LRP1: variants seen among roughly 807,000 people sequenced by gnomAD.
LRP1 encodes the protein prolow-density lipoprotein receptor-related protein 1.
LRP1 carries 51 observed loss-of-function variants against 541.5 expected under a neutral mutation model. The ratio of observed to expected loss-of-function variants is 0.09; its 90% CI spans 0.08 to 0.12. The LOEUF (loss-of-function observed/expected upper bound fraction) is 0.12, where lower values mean the gene tolerates loss of function less well. LRP1 is among the 10% of genes least tolerant of loss of function. The pLI, the probability that LRP1 is intolerant of heterozygous loss-of-function variation, is 1.00. For missense variants in LRP1, 3,878 were observed against 6,376.2 expected (o/e 0.61, Z 13.34); for synonymous variants, 2,219 against 2,470.8 (o/e 0.90, Z 3.02).
chr12:57,185,652 C>T lies in LRP1; in HGVS notation c.6585C>T (p.Arg2195=), dbSNP rs2229281. Residue 2195 remains arginine (R), a synonymous_variant, in exon 41 of 89, where the codon CGC becomes CGT. Transcript: ENST00000243077. The surrounding 1 kb of genome is among the most constrained non-coding windows in gnomAD (Gnocchi z 4.9). ...GMLAEDGASC[R]EYAGYLLYSE... ...TGGCTGAAGACGGAGCATCGTGCCG[C>T]GAGTATGCCGGCTACCTGCTCTACT... is the stretch of plus-strand genomic sequence containing the variant. 2,995 of 1,613,150 alleles carry T rather than the reference C, an allele frequency of 1.9e-3. 45 individuals carry two copies. In the African/African-American group the frequency reaches 0.034, roughly 18 times the overall value.
At chr12:57,181,851 C>T (rs1321494241) in intron 34 of LRP1, among the ~76,000 whole-genome samples, 2 of 152,168 alleles carry the variant, frequency 1.3e-5, no homozygotes, top group East Asian at 1.9e-4. Flanking sequence ...GAAATGAAAC[C>T]CAGACGCATT....
Position 57,165,848 on chromosome 12 carries a change from G to A in LRP1, c.2574G>A (p.Glu858=). The change falls in exon 16 of 89, where the codon GAG becomes GAA. Residue 858 remains glutamate, a synonymous_variant. Transcript: ENST00000243077. The surrounding 1 kb of genome is among the most constrained non-coding windows in gnomAD (Gnocchi z 4.5). ...CTCCACCCCAGTGCCAGCCAGGCGA[G>A]TTTGCCTGTGCCAACAGCCGCTGCA... is the stretch of plus-strand genomic sequence containing the variant. ...YVPPPQCQPG[E]FACANSRCIQ... The A allele has an allele frequency of 6.2e-7, 1 of 1,614,244 alleles. No homozygotes were observed. Among genetic ancestry groups the A allele is most frequent in the Non-Finnish European group, 8.5e-7 (1 of 1,180,056 alleles).
rs749170560 is a variant in LRP1, at chr12:57,184,293, G to A, written c.6060-33G>A. 6.2e-7 allele frequency: 1 copy of A among 1,614,146 alleles called. No homozygotes were observed. Among genetic ancestry groups the A allele is most frequent in the East Asian group, 2.2e-5 (1 of 44,884 alleles). On this transcript the variant is annotated intron_variant, in intron 37 of 88. Transcript: ENST00000243077. The surrounding 1 kb of genome is among the most constrained non-coding windows in gnomAD (Gnocchi z 7.8). The stretch of plus-strand genomic sequence containing the variant: ...AGGCCCTGTCTCCTCCAGGGTCTGA[G>A]GACTGACCCCCACTTCCACCCCCAC...
chr12:57,134,241 GCT>G (rs990293870), intron 1 of LRP1, among the ~76,000 whole-genome samples: 14 of 151,952 alleles, frequency 9.2e-5, no homozygotes, highest in African/African-American at 2.7e-4. Context: ...CTCCAAACTC[GCT>G]CTCTCTCCTT....
chr12:57,169,217 G>T lies in LRP1; in HGVS notation c.3073G>T (p.Gly1025Trp). ...CSSTQFKCNS[G>W]RCIPEHWTCD... is the part of the protein sequence containing the mutation. Reference sequence around the variant, plus strand: ...TAGCACCCAGTTCAAGTGCAACAGCGGGCGTTGCATCCCCGAGCACTGGAC... The same window carrying T: ...TAGCACCCAGTTCAAGTGCAACAGCTGGCGTTGCATCCCCGAGCACTGGAC... Residue 1025 changes from glycine to tryptophan, a missense_variant, in exon 20 of 89, where the codon GGG becomes TGG. Gly to Trp is a radical substitution (Grantham distance 184, BLOSUM62 -2). This residue lies in a region of LRP1 where 320 missense variants were observed against 547.9 expected (regional missense o/e 0.58). Transcript: ENST00000243077. 1 of 1,613,800 alleles carries T rather than the reference G, an allele frequency of 6.2e-7. No individual in the cohort carries two copies. The highest frequency in any genetic ancestry group is 1.1e-5 in the South Asian group (1 of 91,072).
At chr12:57,193,051 G>C in intron 45 of LRP1, 81 bp downstream of exon 45, 1 of 1,587,170 alleles carries the variant, frequency 6.3e-7, no homozygotes, top group Non-Finnish European at 8.6e-7. Context: ...ACATGCTCCA[G>C]CCCAGCCCCC....
At chr12:57,170,280 T>G (rs1301291744) in intron 20 of LRP1, among the ~76,000 whole-genome samples, 2 of 152,224 alleles carry the variant, frequency 1.3e-5, no homozygotes, top group African/African-American at 2.4e-5. Flanking sequence ...AGACACTATT[T>G]CCAAATAAAG....
chr12:57,152,695 A>T (rs975097266), intron 6 of LRP1, among the ~76,000 whole-genome samples: 1 of 151,558 alleles, frequency 6.6e-6, no homozygotes, highest in African/African-American at 2.4e-5. Context: ...GGGCTTGGGG[A>T]TGCATGAATA....
chr12:57,194,308 T>C, intron 48 of LRP1, 46 bp from the exon 49 acceptor site: 1 of 1,502,298 alleles, frequency 6.7e-7, no homozygotes, highest in African/African-American at 1.4e-5. Flanking sequence ...CAGTCGGGGG[T>C]GATCCAGGGG....
At chr12:57,208,267 C>T (rs771727932) in intron 77 of LRP1, 51 bp downstream of exon 77, 48 of 1,571,048 alleles carry the variant, frequency 3.1e-5, no homozygotes, top group Admixed American at 3.0e-4. Flanking sequence ...AGGAAGCCCC[C>T]GGGACAGGGT....
Position 57,179,225 on chromosome 12 carries a change from C to T in LRP1, c.4739-104C>T. The T allele has an allele frequency of 8.5e-7, 1 of 1,180,032 alleles. No homozygotes were observed. The highest frequency in any genetic ancestry group is 1.2e-6 in the Non-Finnish European group (1 of 821,636). The allele number at this position is 1,180,032 out of a possible 1,614,324, so 73.1% of individuals were successfully genotyped here. A position where few individuals can be genotyped will look rare whatever the true frequency, so the allele number is the denominator to read the frequency against. ...CGGGGTATGTCCACGGAGCCAAGGG[C>T]CAGTAGCAAACAGACGGATCCAGAA... is the stretch of plus-strand genomic sequence containing the variant. On this transcript the variant is annotated intron_variant, in intron 28 of 88. Transcript: ENST00000243077. The surrounding 1 kb of genome is among the most constrained non-coding windows in gnomAD (Gnocchi z 6.8).
intron 78 of LRP1, 123 bp from the exon 79 acceptor site, chr12:57,208,960 G>T (rs371200314): frequency 3.8e-6 from 4 of 1,060,238 alleles, no homozygotes; most frequent in Non-Finnish European, 5.7e-6. Flanking sequence ...GGCTTTTCCC[G>T]AAAGAGGTGA....
intron 15 of LRP1, among the ~76,000 whole-genome samples, chr12:57,163,245 G>A (rs2035774436): frequency 6.6e-6 from 1 of 152,166 alleles, no homozygotes; most frequent in Non-Finnish European, 1.5e-5. Flanking sequence ...AGCTATGGAT[G>A]GAAGGAGGAA....
At position 57,146,254 on chromosome 12, in the gene LRP1, A is replaced by G. The variant is rs201291448; in HGVS notation, c.841+764A>G. 2.6e-5 allele frequency among the ~76,000 whole-genome samples: 4 copies of G among 152,158 alleles called. No individual in the cohort carries two copies. In the East Asian group the frequency reaches 5.8e-4, roughly 22 times the overall value. On this transcript the variant is annotated intron_variant, in intron 6 of 88. Coordinates refer to ENST00000243077, the MANE Select transcript of LRP1 (RefSeq NM_002332.3). Reference sequence around the variant, plus strand: ...AACATCTGGCAGCATCACATTTCCAAAGAAATGCACCACAGGGCTGAGAGG... The same window carrying G: ...AACATCTGGCAGCATCACATTTCCAGAGAAATGCACCACAGGGCTGAGAGG...
intron 1 of LRP1, among the ~76,000 whole-genome samples, chr12:57,134,410 G>A (rs911277971): frequency 6.6e-6 from 1 of 152,252 alleles, no homozygotes; most frequent in Non-Finnish European, 1.5e-5. Flanking sequence ...GCCAGAGAAC[G>A]ACAGCGTTCT....
intron 42 of LRP1, among the ~76,000 whole-genome samples, chr12:57,187,876 G>A (rs1451903074): frequency 6.6e-6 from 1 of 152,212 alleles, no homozygotes; most frequent in Non-Finnish European, 1.5e-5. Flanking sequence ...ATACTTGTGG[G>A]AAGTAATGGT....
In LRP1 at chr12:57,133,732, A is replaced by G. The variant is rs930983211; in HGVS notation, c.67+4701A>G. On this transcript the variant is annotated intron_variant, in intron 1 of 88. Coordinates refer to ENST00000243077, the MANE Select transcript of LRP1 (RefSeq NM_002332.3). ...CCCCCTCTCACCTAGCTCAGAGGGG[A>G]GCCTATCTCTCCTTCTGCTGTGTCC... 1.3e-4 allele frequency among the ~76,000 whole-genome samples: 19 copies of G among 150,510 alleles called. 1 individual carries two copies. Among genetic ancestry groups the G allele is most frequent in the African/African-American group, 4.4e-4 (18 of 40,884 alleles).
At position 57,142,353 on chromosome 12, in the gene LRP1, G is replaced by C. The variant is rs2035312072; in HGVS notation, c.328+842G>C. 3.3e-5 allele frequency among the ~76,000 whole-genome samples: 5 copies of C among 152,036 alleles called. No homozygotes were observed. The South Asian group carries it at 1.0e-3, about 31-fold the overall frequency. Reference sequence around the variant, plus strand: ...GGGGAGGGGCTGTGCTTGGGTGTGGGGGCAGTGTCCTGTGCTGTGTGCCTG... The same window carrying C: ...GGGGAGGGGCTGTGCTTGGGTGTGGCGGCAGTGTCCTGTGCTGTGTGCCTG... On this transcript the variant is annotated intron_variant, in intron 3 of 88. Transcript: ENST00000243077.
Position 57,176,115 on chromosome 12 carries a change from C to G in LRP1, c.3991+9C>G. ...GCTGCTGGACAACGGAGGTGACCAC[C>G]GATTGCTGCCAGGCAGGATGCACAC... On this transcript the variant is annotated intron_variant, in intron 24 of 88. Transcript: ENST00000243077. 3 of 1,613,492 alleles carry G rather than the reference C, an allele frequency of 1.9e-6. No individual in the cohort carries two copies. Among genetic ancestry groups the G allele is most frequent in the Non-Finnish European group, 2.5e-6 (3 of 1,179,970 alleles).
Sources: allele counts gnomAD v4.1 joint callset (sites outside exome capture counted in the v4.1 genomes callset), GRCh38; gene constraint gnomAD v4.1.1; regional missense constraint gnomAD v4.1.1; non-coding constraint Gnocchi (gnomAD v3.1); transcripts MANE v1.5; gene names NCBI Gene and HGNC (gene_info 2026-07-23, HGNC 2026-07-21).